Variants in JDP2 observed in about 807,000 individuals in gnomAD.
JDP2 encodes the protein progesterone receptor co-activator.
JDP2 carries 9 observed loss-of-function variants against 17.1 expected under a neutral mutation model. The ratio of observed to expected loss-of-function variants is 0.53; its 90% CI spans 0.32 to 0.92. The LOEUF (loss-of-function observed/expected upper bound fraction) is 0.92. JDP2 is among the 40% of genes least tolerant of loss of function. The pLI is 0.04. For missense variants in JDP2, 179 were observed against 220.0 expected, an observed-to-expected ratio of 0.81 and a Z score of 1.18; for synonymous variants, 107 against 95.6, an observed-to-expected ratio of 1.12 and a Z score of -0.69.
At chr14:75,462,646 G>A (rs1886391214) in intron 3 of JDP2, among the ~76,000 whole-genome samples, 4 of 152,188 alleles carry the variant, frequency 2.6e-5, no homozygotes, top group Admixed American at 2.6e-4. Flanking sequence ...GTGCATCCGT[G>A]TGTTGGGTAC....
upstream of JDP2, chr14:75,427,286 G>A (rs1884566858): frequency 6.6e-6 from 1 of 152,550 alleles, no homozygotes; most frequent in African/African-American, 2.4e-5. The surrounding 1 kb of genome is among the most constrained non-coding windows in gnomAD (Gnocchi z 4.4). Context: ...TGCGCCAGCA[G>A]TAGAGCAAGC....
At chr14:75,445,487 C>T (rs1885555823) in intron 2 of JDP2, 2 of 985,324 alleles carry the variant, frequency 2.0e-6, no homozygotes, top group Non-Finnish European at 2.4e-6. Flanking sequence ...ACCAACTCCC[C>T]AGTCCCCGCG....
chr14:75,429,230 A>G (rs1884677545), intron 1 of JDP2, among the ~76,000 whole-genome samples: 1 of 151,974 alleles, frequency 6.6e-6, no homozygotes, highest in Non-Finnish European at 1.5e-5. Context: ...GGTCATCTCC[A>G]GTTGCAAGAT....
Position 75,471,813 on chromosome 14 carries a change from A to G in JDP2, c.*2338A>G. 2.6e-5 allele frequency: 4 copies of G among 156,350 alleles called. No individual in the cohort carries two copies. Among genetic ancestry groups the G allele is most frequent in the Non-Finnish European group, 5.7e-5 (4 of 69,762 alleles). 9.7% of individuals were successfully genotyped at this position (156,350 alleles called of 1,614,324 possible). A position where few individuals can be genotyped will look rare whatever the true frequency, so the allele number is the denominator to read the frequency against. ...TCGGTCCGGACGATGCAGGTGAGGC[A>G]GTGTCAGTTCTGCATCAGGAACCCC... On this transcript the variant is annotated 3_prime_UTR_variant, in exon 4 of 4. Transcript: ENST00000651602.
rs991464816 is a variant in JDP2, at chr14:75,473,607, A to G, written c.*4132A>G. 6.6e-6 allele frequency: 1 copy of G among 152,208 alleles called. No homozygotes were observed. The highest frequency in any genetic ancestry group is 2.4e-5 in the African/African-American group (1 of 41,456). The allele number at this position is 152,208 out of a possible 1,614,324, so 9.4% of individuals were successfully genotyped here. A position where few individuals can be genotyped will look rare whatever the true frequency, so the allele number is the denominator to read the frequency against. ...AGCATAAGAACAAATAAATTGTGGTATTTTCCTAAAATTGAATATTACTCA... is the reference window on the plus strand; with the variant it reads ...AGCATAAGAACAAATAAATTGTGGTGTTTTCCTAAAATTGAATATTACTCA... On this transcript the variant is annotated 3_prime_UTR_variant, in exon 4 of 4. Transcript: ENST00000651602.
intron 2 of JDP2, among the ~76,000 whole-genome samples, chr14:75,457,830 T>A (rs1886182147): frequency 6.6e-6 from 1 of 152,214 alleles, no homozygotes; most frequent in Non-Finnish European, 1.5e-5. Context: ...TTTGCTGGCC[T>A]ACTACAAACA....
intron 2 of JDP2, among the ~76,000 whole-genome samples, chr14:75,456,898 C>A (rs964703774): frequency 1.3e-5 from 2 of 152,182 alleles, no homozygotes; most frequent in African/African-American, 4.8e-5. Flanking sequence ...GGCTGCTCTG[C>A]ACGAGGGCCC....
At chr14:75,433,526 T>G (rs1000311588) in intron 1 of JDP2, among the ~76,000 whole-genome samples, 1 of 147,330 alleles carries the variant, frequency 6.8e-6, no homozygotes, top group Admixed American at 6.8e-5. Flanking sequence ...TGAGGAAGAG[T>G]AGGGAGTACA....
intron 3 of JDP2, among the ~76,000 whole-genome samples, chr14:75,467,513 ACACT>A (rs1164619745): frequency 3.3e-5 from 5 of 152,152 alleles, no homozygotes. Flanking sequence ...GCCTCAGCAA[ACACT>A]CACAGATGGG....
intron 2 of JDP2, chr14:75,445,623 A>G: frequency 2.1e-6 from 2 of 975,068 alleles, no homozygotes; most frequent in South Asian, 4.7e-5. Context: ...AATAGGGGAA[A>G]TAGACCCCTA....
rs1886830391 is a variant in JDP2, at chr14:75,472,283, C to T, written c.*2808C>T. On this transcript the variant is annotated 3_prime_UTR_variant, in exon 4 of 4. Transcript: ENST00000651602. The stretch of plus-strand genomic sequence containing the variant: ...GAGGCACACAGAAGAGGTAACCTGC[C>T]CAAGGTCACAGGTGTTAGGTGGCAG... 6.6e-6 allele frequency: 1 copy of T among 152,194 alleles called. No homozygotes were observed. The highest frequency in any genetic ancestry group is 1.5e-5 in the Non-Finnish European group (1 of 68,042). 9.4% of individuals were successfully genotyped at this position (152,194 alleles called of 1,614,324 possible). A position where few individuals can be genotyped will look rare whatever the true frequency, so the allele number is the denominator to read the frequency against.
intron 2 of JDP2, among the ~76,000 whole-genome samples, chr14:75,457,880 C>T (rs1056093830): frequency 7.9e-5 from 12 of 152,216 alleles, no homozygotes; most frequent in African/African-American, 1.4e-4. Flanking sequence ...CTCCCGTGAG[C>T]GCTGGGGAAA....
intron 2 of JDP2, among the ~76,000 whole-genome samples, chr14:75,439,827 T>A (rs542629298): frequency 6.6e-6 from 1 of 152,266 alleles, no homozygotes; most frequent in East Asian, 1.9e-4. Context: ...CTTGAGAGCA[T>A]CTGTTTCTGG....
Position 75,473,183 on chromosome 14 carries a change from C to T in JDP2, c.*3708C>T, listed in dbSNP as rs1006558401. ...TGAAACCCTGTCTCTACTAATAATA[C>T]AAAAAATTAGCCGGGCATGGTGGCA... On this transcript the variant is annotated 3_prime_UTR_variant, in exon 4 of 4. Coordinates refer to ENST00000651602, the MANE Select transcript of JDP2 (RefSeq NM_001135048.2). The T allele has an allele frequency of 6.6e-6, 1 of 152,082 alleles. No homozygotes were observed. The highest frequency in any genetic ancestry group is 1.5e-5 in the Non-Finnish European group (1 of 68,010). The allele number at this position is 152,082 out of a possible 1,614,324, so 9.4% of individuals were successfully genotyped here.
intron 1 of JDP2, chr14:75,432,094 C>CG: frequency 1.8e-6 from 1 of 543,190 alleles, no homozygotes; most frequent in Non-Finnish European, 3.3e-6. Context: ...CCACTCTTAA[C>CG]CCCCCCTTCC....
At chr14:75,463,345 G>A (rs925797933) in intron 3 of JDP2, among the ~76,000 whole-genome samples, 4 of 152,236 alleles carry the variant, frequency 2.6e-5, no homozygotes, top group Non-Finnish European at 5.9e-5. Flanking sequence ...CTTGGCCAAG[G>A]TCACACTGCT....
At position 75,439,256 on chromosome 14, in the gene JDP2, TTGGCTGTGGTGGCAAAC is replaced by T. The variant is rs536583405; in HGVS notation, c.201+1140_201+1156del. ...AAAACTGCAGAGGACTGCTGGGGGC[TTGGCTGTGGTGGCAAAC>T]TGGCCGTGGTGGCAAACTGGCCATT... On this transcript the variant is annotated intron_variant, in intron 2 of 3. Coordinates refer to ENST00000651602, the MANE Select transcript of JDP2 (RefSeq NM_001135048.2). Among the ~76,000 whole-genome samples, 1,269 of 152,312 alleles carry T rather than the reference TTGGCTGTGGTGGCAAAC, an allele frequency of 8.3e-3. 26 individuals are homozygous for T. Among genetic ancestry groups the T allele is most frequent in the African/African-American group, 0.029 (1,213 of 41,558 alleles).
intron 3 of JDP2, among the ~76,000 whole-genome samples, chr14:75,468,265 A>G (rs1886655839): frequency 6.6e-6 from 1 of 152,164 alleles, no homozygotes; most frequent in Non-Finnish European, 1.5e-5. Context: ...TCTGGCATCT[A>G]CCTGCTAGAT....
At chr14:75,445,834 A>C (rs1885574224) in intron 2 of JDP2, among the ~76,000 whole-genome samples, 1 of 152,206 alleles carries the variant, frequency 6.6e-6, no homozygotes, top group Admixed American at 6.5e-5. Context: ...AAAATTAAAA[A>C]CTTTGGTACT....
Sources: gnomAD v4.1 joint callset for allele counts (sites outside exome capture counted in the v4.1 genomes callset) on GRCh38, gnomAD v4.1.1 for gene constraint, Gnocchi (gnomAD v3.1) non-coding constraint, MANE v1.5 for transcripts, NCBI Gene and HGNC (gene_info 2026-07-23, HGNC 2026-07-21) for gene names.